Variants in CEP112 observed in about 807,000 individuals in gnomAD.
The protein encoded by CEP112 is centrosomal protein of 112 kDa.
CEP112 carries 127 observed loss-of-function variants against 153.0 expected under a neutral mutation model. The ratio of observed to expected loss-of-function variants is 0.83; its 90% CI spans 0.72 to 0.96. The LOEUF (loss-of-function observed/expected upper bound fraction) is 0.96, where lower values mean the gene tolerates loss of function less well. CEP112 is among the 40% of genes least tolerant of loss of function. The pLI, the probability that CEP112 is intolerant of heterozygous loss-of-function variation, is 0.00. For missense variants in CEP112, 1,089 were observed against 1,101.2 expected (o/e 0.99, Z 0.16); for synonymous variants, 358 against 374.4 (o/e 0.96, Z 0.51).
At position 66,132,775 on chromosome 17, in the gene CEP112, A is replaced by G; in HGVS notation, c.471-12T>C. 1 of 1,544,042 alleles carries G rather than the reference A, an allele frequency of 6.5e-7. No individual in the cohort carries two copies. Among genetic ancestry groups the G allele is most frequent in the Non-Finnish European group, 9.0e-7 (1 of 1,116,090 alleles). On this transcript the variant is annotated splice_polypyrimidine_tract_variant and intron_variant, in intron 4 of 26. Coordinates refer to ENST00000535342, the MANE Select transcript of CEP112 (RefSeq NM_001199165.4). Reference sequence around the variant, plus strand: ...TGTACTGTTCCCTGCTAAGAGACCAAAATAATCGCAATCACAATTTGGAGA... The same window carrying G: ...TGTACTGTTCCCTGCTAAGAGACCAGAATAATCGCAATCACAATTTGGAGA...
At chr17:65,878,191 C>T (rs980837619) in intron 20 of CEP112, among the ~76,000 whole-genome samples, 3 of 150,228 alleles carry the variant, frequency 2.0e-5, no homozygotes, top group Admixed American at 1.3e-4. Context: ...GTTCTCATTG[C>T]AAAAAAAGAA....
At chr17:66,071,087 GA>G (rs2067293420) in intron 8 of CEP112, among the ~76,000 whole-genome samples, 1 of 151,962 alleles carries the variant, frequency 6.6e-6, no homozygotes, top group African/African-American at 2.4e-5. Context: ...ATATTTTCTT[GA>G]AAATTTTTGA....
chr17:65,680,273 A>G (rs1236017239), intron 24 of CEP112, among the ~76,000 whole-genome samples: 1 of 152,228 alleles, frequency 6.6e-6, no homozygotes, highest in Non-Finnish European at 1.5e-5. Context: ...GATGAAAATG[A>G]TAAAAGAATA....
At chr17:66,093,097 G>A (rs549030581) in intron 8 of CEP112, among the ~76,000 whole-genome samples, 69 of 152,258 alleles carry the variant, frequency 4.5e-4, no homozygotes, top group African/African-American at 1.5e-3. Flanking sequence ...ACTTTGGGGC[G>A]CTGAGGCAGG....
At chr17:65,680,414 C>T (rs534485810) in intron 24 of CEP112, among the ~76,000 whole-genome samples, 4 of 152,326 alleles carry the variant, frequency 2.6e-5, no homozygotes, top group Non-Finnish European at 4.4e-5. Context: ...TGGAACTCTT[C>T]GTCCTCAAAG....
intron 4 of CEP112, among the ~76,000 whole-genome samples, chr17:66,157,194 A>G (rs997291748): frequency 5.3e-5 from 8 of 152,346 alleles, no homozygotes; most frequent in African/African-American, 1.9e-4. Flanking sequence ...CAGAAACCCT[A>G]CAAGCCAGAA....
Position 66,066,802 on chromosome 17 carries a change from T to A in CEP112, c.931A>T (p.Thr311Ser). The change falls in exon 10 of 27, where the codon ACT (threonine) becomes TCT (serine). Residue 311 changes from threonine to serine, a missense_variant. Coordinates refer to ENST00000535342, the MANE Select transcript of CEP112 (RefSeq NM_001199165.4). ...CCTTTCTTTTCAAGCTTTCTAATAGTCTCTTCAGTTTCATGTTGTTTACTC... is the reference window on the plus strand; with the variant it reads ...CCTTTCTTTTCAAGCTTTCTAATAGACTCTTCAGTTTCATGTTGTTTACTC... ...YRSKQHETEETIRKLEKKVQT... is the reference protein window; with the variant it reads ...YRSKQHETEESIRKLEKKVQT... 1 of 1,546,292 alleles carries A rather than the reference T, an allele frequency of 6.5e-7. No homozygotes were observed. The highest frequency in any genetic ancestry group is 8.7e-7 in the Non-Finnish European group (1 of 1,148,950).
intron 24 of CEP112, among the ~76,000 whole-genome samples, chr17:65,649,162 A>G (rs2045611700): frequency 6.6e-6 from 1 of 152,126 alleles, no homozygotes; most frequent in African/African-American, 2.4e-5. Flanking sequence ...CATGTCAAAT[A>G]TGTCAACTGG....
chr17:66,055,225 T>G (rs1254134607), intron 11 of CEP112, among the ~76,000 whole-genome samples: 1 of 152,146 alleles, frequency 6.6e-6, no homozygotes, highest in Non-Finnish European at 1.5e-5. Context: ...ATTGTACTGG[T>G]AAAGGTCTCA....
At chr17:65,719,780 T>C (rs139966252) in intron 23 of CEP112, among the ~76,000 whole-genome samples, 1 of 152,178 alleles carries the variant, frequency 6.6e-6, no homozygotes, top group Non-Finnish European at 1.5e-5. Flanking sequence ...AGATCAGCAC[T>C]GGTAGAGGGT....
chr17:65,772,898 A>AATG (rs10587165), intron 21 of CEP112, among the ~76,000 whole-genome samples: 1 of 151,632 alleles, frequency 6.6e-6, no homozygotes, highest in Non-Finnish European at 1.5e-5. Flanking sequence ...TAATGATGAT[A>AATG]ATGATGATGA....
intron 18 of CEP112, among the ~76,000 whole-genome samples, chr17:65,941,279 A>C (rs1252386475): frequency 6.6e-6 from 1 of 152,120 alleles, no homozygotes; most frequent in Non-Finnish European, 1.5e-5. Flanking sequence ...ACATTTAAGT[A>C]CTTAAAATAG....
chr17:65,857,161 G>C (rs2058150814), intron 20 of CEP112, among the ~76,000 whole-genome samples: 1 of 152,156 alleles, frequency 6.6e-6, no homozygotes, highest in Admixed American at 6.5e-5. Flanking sequence ...TTCTGGTTGG[G>C]CCAGTAAAGC....
intron 4 of CEP112, among the ~76,000 whole-genome samples, chr17:66,134,334 A>G (rs2070339351): frequency 6.6e-6 from 1 of 152,174 alleles, no homozygotes; most frequent in Admixed American, 6.5e-5. Context: ...TAAATTTTCA[A>G]AAATGTTATT....
At chr17:65,717,214 CTT>C (rs1484536155) in intron 23 of CEP112, among the ~76,000 whole-genome samples, 2 of 152,142 alleles carry the variant, frequency 1.3e-5, no homozygotes, top group Non-Finnish European at 2.9e-5. Flanking sequence ...ACTTACAAGT[CTT>C]TGCTATGAAT....
chr17:65,992,923 T>C (rs565915883), intron 17 of CEP112, among the ~76,000 whole-genome samples: 6 of 116,584 alleles, frequency 5.1e-5, no homozygotes, highest in Admixed American at 3.8e-4. Flanking sequence ...ATATGTGTAT[T>C]CTTTTTTGTT....
chr17:65,820,873 A>C (rs1159516930), intron 21 of CEP112, among the ~76,000 whole-genome samples: 1 of 152,138 alleles, frequency 6.6e-6, no homozygotes, highest in Non-Finnish European at 1.5e-5. Context: ...ATTGTCACAA[A>C]TAAGATTCAA....
chr17:65,748,166 C>G (rs2145218669), intron 22 of CEP112, among the ~76,000 whole-genome samples: 1 of 152,268 alleles, frequency 6.6e-6, no homozygotes, highest in Admixed American at 6.5e-5. Flanking sequence ...AATGCCAGTT[C>G]ACAGATATAA....
chr17:65,744,917 T>A (rs529971988), intron 22 of CEP112, among the ~76,000 whole-genome samples: 2 of 152,304 alleles, frequency 1.3e-5, no homozygotes, highest in African/African-American at 4.8e-5. Flanking sequence ...ATTCTTTTGG[T>A]CCTAAGCAGA....
Sources: allele counts gnomAD v4.1 joint callset (sites outside exome capture counted in the v4.1 genomes callset), GRCh38; gene constraint gnomAD v4.1.1; transcripts MANE v1.5; gene names NCBI Gene and HGNC (gene_info 2026-07-23, HGNC 2026-07-21).